NEK4: variants seen among roughly 807,000 people sequenced by gnomAD.
The protein encoded by NEK4 is NIMA related kinase 4.
Under a neutral mutation model 98.4 loss-of-function variants are expected in NEK4, and 86 were observed. The observed-to-expected ratio is 0.87, with a 90% CI of 0.73 to 1.05. The LOEUF (loss-of-function observed/expected upper bound fraction) is 1.05. NEK4 is among the 50% of genes least tolerant of loss of function. The probability of loss-of-function intolerance (pLI) is 0.00; values close to 1 mark genes in which losing one functional copy is unlikely to be tolerated. For missense variants in NEK4, 898 were observed against 950.3 expected, an observed-to-expected ratio of 0.94 and a Z score of 0.72; for synonymous variants, 328 against 342.2, an observed-to-expected ratio of 0.96 and a Z score of 0.46.
At chr3:52,740,830 G>A (rs1234202876) in intron 13 of NEK4, among the ~76,000 whole-genome samples, 1 of 151,500 alleles carries the variant, frequency 6.6e-6, no homozygotes, top group Non-Finnish European at 1.5e-5. Context: ...TTTTTAAAAA[G>A]TAAAAATAAA....
intron 5 of NEK4, 118 bp downstream of exon 5, chr3:52,763,352 C>T (rs1366535989): frequency 1.5e-5 from 16 of 1,070,218 alleles, no homozygotes; most frequent in Non-Finnish European, 2.0e-5. Context: ...GTAATCATGC[C>T]ATTTTATTTC....
At position 52,752,239 on chromosome 3, in the gene NEK4, C is replaced by T. The variant is rs747119472; in HGVS notation, c.1061G>A (p.Ser354Asn). The T allele has an allele frequency of 9.9e-6, 16 of 1,614,180 alleles. No homozygotes were observed. The Admixed American group carries it at 2.5e-4, about 25-fold the overall frequency. The change falls in exon 7 of 16, where the codon AGC becomes AAC. Residue 354 changes from serine (S) to asparagine (N), a missense_variant. Physicochemically the swap from Ser to Asn is conservative, Grantham distance 46. Transcript: ENST00000233027. ...LKAHTCKQDL[S>N]NTTELATISS... Reference sequence around the variant, plus strand: ...GATTGTGGCTAGTTCTGTGGTATTGCTCAAGTCCTGTTTGCAGGTATGGGC... The same window carrying T: ...GATTGTGGCTAGTTCTGTGGTATTGTTCAAGTCCTGTTTGCAGGTATGGGC...
intron 15 of NEK4, among the ~76,000 whole-genome samples, chr3:52,724,051 G>A (rs2097362359): frequency 6.6e-6 from 1 of 152,082 alleles, no homozygotes; most frequent in Admixed American, 6.6e-5. Flanking sequence ...TGGATGACAT[G>A]GTGAAACCCT....
intron 14 of NEK4, among the ~76,000 whole-genome samples, chr3:52,738,635 GAC>G: frequency 6.6e-6 from 1 of 151,950 alleles, no homozygotes. Context: ...ATTTTTTGTA[GAC>G]ACAAGTTTTC....
chr3:52,740,058 G>GT (rs1274153499), intron 13 of NEK4, among the ~76,000 whole-genome samples: 2 of 152,144 alleles, frequency 1.3e-5, no homozygotes, highest in Admixed American at 1.3e-4. Flanking sequence ...CTATTTCAAA[G>GT]TAACTTAACT....
In NEK4 at chr3:52,724,697, G is replaced by A. The variant is rs184508728; in HGVS notation, c.2434-12828C>T. Among the ~76,000 whole-genome samples the A allele has an allele frequency of 1.6e-4, 25 of 152,250 alleles. 1 individual carries two copies. Among genetic ancestry groups the A allele is most frequent in the African/African-American group, 4.8e-4 (20 of 41,540 alleles). On this transcript the variant is annotated intron_variant, in intron 15 of 15. Coordinates refer to ENST00000233027, the MANE Select transcript of NEK4 (RefSeq NM_003157.6). ...GAGAATGGGCAGGTGTTGGTCAAAG[G>A]GTACAAGGTTCAGTTATACAGCAGG...
At chr3:52,758,010 T>C (rs768505244) in intron 6 of NEK4, among the ~76,000 whole-genome samples, 1 of 151,810 alleles carries the variant, frequency 6.6e-6, no homozygotes, top group Non-Finnish European at 1.5e-5. Flanking sequence ...ACCCTGTCTC[T>C]ACTAAAAATA....
intron 6 of NEK4, among the ~76,000 whole-genome samples, chr3:52,760,351 T>G (rs4687648): frequency 0.46 from 69,448 of 151,816 alleles, 16,205 homozygotes; most frequent in African/African-American, 0.52. Flanking sequence ...TGAGTAGCTA[T>G]GACTACAGGT....
chr3:52,742,760 C>G (rs2097388798), intron 12 of NEK4, among the ~76,000 whole-genome samples: 1 of 152,050 alleles, frequency 6.6e-6, no homozygotes, highest in Non-Finnish European at 1.5e-5. Flanking sequence ...AGTGCAAGCC[C>G]TTAGAAAGTT....
chr3:52,736,099 T>A (rs1486686191), intron 15 of NEK4, among the ~76,000 whole-genome samples: 2 of 152,196 alleles, frequency 1.3e-5, no homozygotes, highest in African/African-American at 4.8e-5. Context: ...TGGTGCTAAA[T>A]CAAATGAAAC....
chr3:52,727,853 TAAA>T lies in NEK4; in HGVS notation c.2433+9730_2433+9732del, dbSNP rs372802598. 6.5e-3 allele frequency among the ~76,000 whole-genome samples: 981 copies of T among 151,872 alleles called. 10 individuals carry two copies. The highest frequency in any genetic ancestry group is 0.022 in the African/African-American group (929 of 41,402). The stretch of plus-strand genomic sequence containing the variant: ...GAAAATACTTAGAGACAAATGAAAA[TAAA>T]AAACAATATACTGAAACTTTTGGAA... On this transcript the variant is annotated intron_variant, in intron 15 of 15. Transcript: ENST00000233027.
chr3:52,757,595 A>G (rs959759579), intron 6 of NEK4, among the ~76,000 whole-genome samples: 2 of 152,114 alleles, frequency 1.3e-5, no homozygotes, highest in African/African-American at 4.8e-5. Context: ...CAGGGTCTCA[A>G]AGAGATAAGT....
In NEK4 at chr3:52,739,755, A is replaced by G. The variant is rs560606604; in HGVS notation, c.2094-121T>C. ...TTGAAATGTCCAAGTAAGTTCCTAC[A>G]GACTGACCTGACCCTTCCACAAATA... On this transcript the variant is annotated intron_variant, in intron 13 of 15. Transcript: ENST00000233027. 1.2e-5 allele frequency: 9 copies of G among 771,984 alleles called. No individual in the cohort carries two copies. In the South Asian group the frequency reaches 1.5e-4, roughly 13 times the overall value. The allele number at this position is 771,984 out of a possible 1,614,324, so 47.8% of individuals were successfully genotyped here.
chr3:52,714,246 G>A (rs2097353035), intron 15 of NEK4, among the ~76,000 whole-genome samples: 1 of 152,176 alleles, frequency 6.6e-6, no homozygotes, highest in Admixed American at 6.5e-5. Context: ...AAAGTCTCTG[G>A]AAACGGTGCT....
At position 52,711,713 on chromosome 3, in the gene NEK4, G is replaced by GCAAATGA; in HGVS notation, c.*63_*64insTCATTTG. The GCAAATGA allele has an allele frequency of 1.0e-6, 1 of 1,002,638 alleles. No homozygotes were observed. Among genetic ancestry groups the GCAAATGA allele is most frequent in the Non-Finnish European group, 1.6e-6 (1 of 633,010 alleles). The allele number at this position is 1,002,638 out of a possible 1,614,324, so 62.1% of individuals were successfully genotyped here. A position where few individuals can be genotyped will look rare whatever the true frequency, so the allele number is the denominator to read the frequency against. ...GGCTTCCAAATGACTGTTTGCCCTTGCTTTTTAAGCCAAAATCCTCTAAAA... is the reference window on the plus strand; with the variant it reads ...GGCTTCCAAATGACTGTTTGCCCTTGCAAATGACTTTTTAAGCCAAAATCCTCTAAAA... On this transcript the variant is annotated 3_prime_UTR_variant, in exon 16 of 16. Coordinates refer to ENST00000233027, the MANE Select transcript of NEK4 (RefSeq NM_003157.6).
At chr3:52,722,294 TC>T (rs2097360820) in intron 15 of NEK4, among the ~76,000 whole-genome samples, 1 of 152,022 alleles carries the variant, frequency 6.6e-6, no homozygotes, top group Admixed American at 6.6e-5. Flanking sequence ...TTGGGCAAGG[TC>T]CGAGAGCTCA....
chr3:52,720,340 A>C (rs1281633648), intron 15 of NEK4, among the ~76,000 whole-genome samples: 8 of 151,996 alleles, frequency 5.3e-5, no homozygotes, highest in Admixed American at 3.9e-4. Context: ...AAAAAGAAAG[A>C]AGCAGAAAAA....
At chr3:52,727,716 C>A (rs757390875) in intron 15 of NEK4, among the ~76,000 whole-genome samples, 2 of 152,190 alleles carry the variant, frequency 1.3e-5, no homozygotes, top group Non-Finnish European at 2.9e-5. Flanking sequence ...AGTGATCCAC[C>A]CACTTCGGCC....
chr3:52,732,588 G>T, intron 15 of NEK4: 1 of 297,748 alleles, frequency 3.4e-6, no homozygotes, highest in Non-Finnish European at 6.9e-6. Flanking sequence ...CTCTTACTCA[G>T]CGTCACTTGA....
Sources: gnomAD v4.1 joint callset for allele counts (sites outside exome capture counted in the v4.1 genomes callset) on GRCh38, gnomAD v4.1.1 for gene constraint, MANE v1.5 for transcripts, NCBI Gene and HGNC (gene_info 2026-07-23, HGNC 2026-07-21) for gene names.